Variants in CCHCR1 observed in about 807,000 individuals in gnomAD.
CCHCR1 encodes HCR (a-helix coiled-coil rod homologue).
A neutral mutation model predicts 114.6 loss-of-function variants in CCHCR1; 91 were observed. That is an observed-to-expected ratio of 0.79 (90% CI 0.67 to 0.94). The LOEUF (loss-of-function observed/expected upper bound fraction) is 0.94, where lower values mean the gene tolerates loss of function less well. Among genes scored for constraint, CCHCR1 ranks in the 40% least tolerant of loss-of-function variants. CCHCR1 has a pLI of 0.00. For missense variants in CCHCR1, 899 were observed against 1,079.9 expected (o/e 0.83, Z 2.35); for synonymous variants, 379 against 428.5 (o/e 0.88, Z 1.43).
chr6:31,147,536 G>A (rs1244218501), intron 10 of CCHCR1, among the ~76,000 whole-genome samples: 1 of 152,102 alleles, frequency 6.6e-6, no homozygotes. Context: ...AACAATTGTA[G>A]GTAATGAAAC....
Position 31,150,655 on chromosome 6 carries a change from C to T in CCHCR1, c.1101+70G>A, listed in dbSNP as rs1384142335. On this transcript the variant is annotated intron_variant, in intron 6 of 17. Transcript: ENST00000396268. The surrounding 1 kb of genome is among the most constrained non-coding windows in gnomAD (Gnocchi z 5.3). ...CCCGGAGGCTGTGCTCTACACGCTC[C>T]TCCAAGGGCCACGCTTGCCTCCCAA... 8.8e-6 allele frequency: 14 copies of T among 1,595,924 alleles called. No homozygotes were observed. Among genetic ancestry groups the T allele is most frequent in the Middle Eastern group, 1.7e-4 (1 of 5,972 alleles).
At chr6:31,147,075 A>G (rs2151011515) in intron 10 of CCHCR1, among the ~76,000 whole-genome samples, 1 of 152,292 alleles carries the variant, frequency 6.6e-6, no homozygotes, top group South Asian at 2.1e-4. Flanking sequence ...TCACGATAAC[A>G]ATAAACATTT....
chr6:31,148,834 GGGGCTGGGGGGAGGGGGGGCGGGCGAC>G, intron 8 of CCHCR1, 106 bp from the exon 9 acceptor site: 1 of 569,412 alleles, frequency 1.8e-6, no homozygotes, highest in Non-Finnish European at 3.2e-6. Context: ...ATGCCATGCA[GGGGCTGGGGGGAGGGGGGGCGGGCGAC>G]GGGGGTGGGT....
In CCHCR1 at chr6:31,143,107, AGAG is replaced by A. The variant is rs759345745; in HGVS notation, c.2344_2346del (p.Leu782del). On this transcript the variant is annotated inframe_deletion, in exon 17 of 18. Transcript: ENST00000396268. The surrounding 1 kb of genome is among the most constrained non-coding windows in gnomAD (Gnocchi z 5.3). The stretch of plus-strand genomic sequence containing the variant: ...AACAGTCGCTGCTGCTTGTAACGGG[AGAG>A]GAGACCTTCCTGCTGCAAGGTGGCC... The A allele has an allele frequency of 6.2e-6, 10 of 1,612,744 alleles. No individual in the cohort carries two copies. The East Asian group carries it at 2.0e-4, about 32-fold the overall frequency.
chr6:31,153,805 C>A (rs1775606639), intron 4 of CCHCR1, among the ~76,000 whole-genome samples: 1 of 152,132 alleles, frequency 6.6e-6, no homozygotes, highest in Non-Finnish European at 1.5e-5. Context: ...GTCTTGAACT[C>A]CTGACCTTGT....
chr6:31,153,602 C>T (rs1476656865), intron 4 of CCHCR1, among the ~76,000 whole-genome samples: 1 of 151,882 alleles, frequency 6.6e-6, no homozygotes, highest in East Asian at 1.9e-4. Flanking sequence ...TTTTTTGAGA[C>T]AGAGTCTTGC....
At chr6:31,148,365 G>T in intron 10 of CCHCR1, 40 bp downstream of exon 10, 1 of 1,267,058 alleles carries the variant, frequency 7.9e-7, no homozygotes, top group Non-Finnish European at 1.1e-6. Flanking sequence ...AACCTGAGGT[G>T]GCAGAAACAC....
chr6:31,149,925 AG>A, intron 8 of CCHCR1, 140 bp downstream of exon 8: 1 of 800,494 alleles, frequency 1.2e-6, no homozygotes. Context: ...CTAGAATGCA[AG>A]CTCCACATTT....
intron 9 of CCHCR1, 29 bp from the exon 10 acceptor site, chr6:31,148,540 C>G: frequency 1.3e-6 from 2 of 1,599,700 alleles, no homozygotes; most frequent in African/African-American, 2.7e-5. Flanking sequence ...AGGACAGGGT[C>G]CCTCCCTAAG....
At position 31,151,165 on chromosome 6, in the gene CCHCR1, T is replaced by G. The variant is rs2517985; in HGVS notation, c.802-43A>C. 2 of 1,581,026 alleles carry G rather than the reference T, an allele frequency of 1.3e-6. No homozygotes were observed. Among genetic ancestry groups the G allele is most frequent in the Non-Finnish European group, 1.7e-6 (2 of 1,165,172 alleles). On this transcript the variant is annotated intron_variant, in intron 4 of 17. Coordinates refer to ENST00000396268, the MANE Select transcript of CCHCR1 (RefSeq NM_001105564.2). This position sits in a 1 kb window ranked among gnomAD's most constrained non-coding sequence, Gnocchi z 4.1. ...GGCTCAGCAGAGGCTCGACCCCACA[T>G]GGAGGCCTTCCTTGTTCCCTTCACT... is the stretch of plus-strand genomic sequence containing the variant.
chr6:31,157,587 G>A lies in CCHCR1; in HGVS notation c.14C>T (p.Ser5Leu). The A allele has an allele frequency of 6.2e-7, 1 of 1,611,166 alleles. No individual in the cohort carries two copies. Among genetic ancestry groups the A allele is most frequent in the South Asian group, 1.1e-5 (1 of 90,792 alleles). The change falls in exon 1 of 18, where the codon TCA becomes TTA. Residue 5 changes from serine to leucine, a missense_variant. Coordinates refer to ENST00000396268, the MANE Select transcript of CCHCR1 (RefSeq NM_001105564.2). Reference sequence around the variant, plus strand: ...GCTGGCCCAAGGCCTGGCCCCAGCTGAATGTGGCCACATGCAGGGCTAGAC... The same window carrying A: ...GCTGGCCCAAGGCCTGGCCCCAGCTAAATGTGGCCACATGCAGGGCTAGAC... The part of the protein sequence containing the change: MWPH[S>L]AGARPWASTL...
Position 31,157,530 on chromosome 6 carries a change from GCCATGA to G in CCHCR1, c.65_70del (p.Val22_Met23del). The G allele has an allele frequency of 6.2e-7, 1 of 1,613,002 alleles. No homozygotes were observed. Among genetic ancestry groups the G allele is most frequent in the Non-Finnish European group, 8.5e-7 (1 of 1,180,008 alleles). On this transcript the variant is annotated inframe_deletion, in exon 1 of 18. Transcript: ENST00000396268. ...GGGAAGCCCATCCAGACACCAGCAG[GCCATGA>G]CTCTTGGGTCCTTCCCTGTTAAAGT...
chr6:31,153,147 T>C (rs2151048777), intron 4 of CCHCR1, among the ~76,000 whole-genome samples: 1 of 152,106 alleles, frequency 6.6e-6, no homozygotes, highest in South Asian at 2.1e-4. Context: ...ACCCGGCTAA[T>C]TTTTGTATTT....
At chr6:31,156,603 G>C in intron 3 of CCHCR1, 128 bp downstream of exon 3, 1 of 718,634 alleles carries the variant, frequency 1.4e-6, no homozygotes, top group Non-Finnish European at 2.4e-6. Flanking sequence ...TGCACTGTAG[G>C]AACTAATTGC....
chr6:31,154,442 G>T lies in CCHCR1; in HGVS notation c.801+54C>A. ...TGCAATACCTGTTCTTTGCTTGGAA[G>T]CTACTGCCCAGCTCTCCGTTATGAA... On this transcript the variant is annotated intron_variant, in intron 4 of 17. Transcript: ENST00000396268. The surrounding 1 kb of genome is among the most constrained non-coding windows in gnomAD (Gnocchi z 4.1). 1 of 1,422,652 alleles carries T rather than the reference G, an allele frequency of 7.0e-7. No individual in the cohort carries two copies. Among genetic ancestry groups the T allele is most frequent in the Non-Finnish European group, 9.8e-7 (1 of 1,021,304 alleles). 88.1% of individuals were successfully genotyped at this position (1,422,652 alleles called of 1,614,324 possible). A position where few individuals can be genotyped will look rare whatever the true frequency, so the allele number is the denominator to read the frequency against.
chr6:31,157,691 T>C lies in CCHCR1; in HGVS notation c.-91A>G. 1 of 1,013,260 alleles carries C rather than the reference T, an allele frequency of 9.9e-7. No individual in the cohort carries two copies. Among genetic ancestry groups the C allele is most frequent in the Non-Finnish European group, 1.5e-6 (1 of 689,446 alleles). 62.8% of individuals were successfully genotyped at this position (1,013,260 alleles called of 1,614,324 possible). A position where few individuals can be genotyped will look rare whatever the true frequency, so the allele number is the denominator to read the frequency against. On this transcript the variant is annotated 5_prime_UTR_variant, in exon 1 of 18. Transcript: ENST00000396268. ...AGCGTCCTGACATCTTATTCAAATCTTTCCTGCGGCTGTTCTCTCAGCTTC... is the reference window on the plus strand; with the variant it reads ...AGCGTCCTGACATCTTATTCAAATCCTTCCTGCGGCTGTTCTCTCAGCTTC...
rs935480820 is a variant in CCHCR1 at position 31,143,525 on chromosome 6, C to G, written c.2168-112G>C. 1 of 1,087,322 alleles carries G rather than the reference C, an allele frequency of 9.2e-7. No individual in the cohort carries two copies. The highest frequency in any genetic ancestry group is 1.6e-5 in the African/African-American group (1 of 63,422). The allele number at this position is 1,087,322 out of a possible 1,614,324, so 67.4% of individuals were successfully genotyped here. ...TCACCAACTCTGTGGCTTGGGGAGG[C>G]TGTTCTGCTCTGTGGATCTGTCTCT... is the stretch of plus-strand genomic sequence containing the variant. On this transcript the variant is annotated intron_variant, in intron 15 of 17. Coordinates refer to ENST00000396268, the MANE Select transcript of CCHCR1 (RefSeq NM_001105564.2). The surrounding 1 kb of genome is among the most constrained non-coding windows in gnomAD (Gnocchi z 5.3).
In CCHCR1 at chr6:31,151,824, G is replaced by A. The variant is rs967721727; in HGVS notation, c.802-702C>T. On this transcript the variant is annotated intron_variant, in intron 4 of 17. Transcript: ENST00000396268. The surrounding 1 kb of genome is among the most constrained non-coding windows in gnomAD (Gnocchi z 4.1). ...TGGCACCTCAAAGGGTTGCAGGGGTGTCAGAGCCACCAAGAGTCATGGGAT... is the reference window on the plus strand; with the variant it reads ...TGGCACCTCAAAGGGTTGCAGGGGTATCAGAGCCACCAAGAGTCATGGGAT... 3.9e-5 allele frequency among the ~76,000 whole-genome samples: 6 copies of A among 152,172 alleles called. No individual in the cohort carries two copies. The highest frequency in any genetic ancestry group is 7.3e-5 in the Non-Finnish European group (5 of 68,042).
intron 10 of CCHCR1, among the ~76,000 whole-genome samples, chr6:31,146,250 C>T (rs1774313826): frequency 6.6e-6 from 1 of 152,194 alleles, no homozygotes; most frequent in Admixed American, 6.5e-5. Context: ...GAAGCTGAGG[C>T]ACGAGAATCA....
Sources: gnomAD v4.1 joint callset for allele counts (sites outside exome capture counted in the v4.1 genomes callset) on GRCh38, gnomAD v4.1.1 for gene constraint, Gnocchi (gnomAD v3.1) non-coding constraint, MANE v1.5 for transcripts, NCBI Gene and HGNC (gene_info 2026-07-23, HGNC 2026-07-21) for gene names.